ZFHX3: variants seen among roughly 807,000 people sequenced by gnomAD.
ZFHX3 encodes the protein zinc finger homeobox 3, also known as zinc finger homeobox protein 3.
In ZFHX3, 42 loss-of-function variants were observed where a neutral mutation model predicts 279.1. The observed-to-expected ratio is 0.15, with a 90% CI of 0.12 to 0.19. ZFHX3 has a LOEUF of 0.19. Ranked by LOEUF, ZFHX3 falls within the 10% of genes least tolerant of loss-of-function variation. The probability of loss-of-function intolerance (pLI) is 1.00; values close to 1 mark genes in which losing one functional copy is unlikely to be tolerated. For synonymous variants in ZFHX3, 2,293 were observed against 1,957.8 expected (o/e 1.17, Z -4.52); for missense variants, 4,981 against 4,754.0 (o/e 1.05, Z -1.40).
chr16:73,582,115 C>A (rs540254113), intron 2 of ZFHX3, among the ~76,000 whole-genome samples: 19 of 151,836 alleles, frequency 1.3e-4, no homozygotes, highest in South Asian at 2.1e-4. Context: ...TGATACAGAC[C>A]TAAACAATGG....
chr16:72,864,232 T>C (rs1238183449), intron 4 of ZFHX3, among the ~76,000 whole-genome samples: 1 of 152,208 alleles, frequency 6.6e-6, no homozygotes, highest in African/African-American at 2.4e-5. Flanking sequence ...TATTTTTTTC[T>C]TTTGATTTAC....
chr16:73,649,608 G>A (rs764224112), intron 2 of ZFHX3, among the ~76,000 whole-genome samples: 32 of 152,110 alleles, frequency 2.1e-4, no homozygotes, highest in African/African-American at 4.6e-4. Flanking sequence ...TAATAAACTC[G>A]TTTTTGTTCT....
rs1038732726 is a variant in ZFHX3 at position 72,957,786 on chromosome 16, C to T, written c.2360G>A (p.Ser787Asn). ...CGGCGAGGGGGCCCCGCAGGAGCTACTGATATTGGCTGCCGCCGCCGCCGC... is the reference window on the plus strand; with the variant it reads ...CGGCGAGGGGGCCCCGCAGGAGCTATTGATATTGGCTGCCGCCGCCGCCGC... ...VAAAAAAANISSSCGAPSPTK... is the reference protein window; with the variant it reads ...VAAAAAAANINSSCGAPSPTK... The change falls in exon 2 of 10, where the codon AGT (serine) becomes AAT (asparagine). Residue 787 changes from serine (S) to asparagine (N), a missense_variant. Transcript: ENST00000268489. The T allele has an allele frequency of 2.1e-5, 34 of 1,612,484 alleles. No individual in the cohort carries two copies. Among genetic ancestry groups the T allele is most frequent in the Middle Eastern group, 1.6e-4 (1 of 6,082 alleles).
At chr16:73,303,977 A>G (rs1251196581) in intron 4 of ZFHX3, among the ~76,000 whole-genome samples, 1 of 124,942 alleles carries the variant, frequency 8.0e-6, no homozygotes, top group Non-Finnish European at 1.7e-5. Flanking sequence ...AAAAAAAAAA[A>G]AAAAAAAAAA....
intron 3 of ZFHX3, among the ~76,000 whole-genome samples, chr16:72,904,261 G>A (rs1436800869): frequency 6.6e-6 from 1 of 151,968 alleles, no homozygotes; most frequent in African/African-American, 2.4e-5. Context: ...AGCTACTTGG[G>A]AGGCTGAGGC....
Position 73,327,290 on chromosome 16 carries a change from A to T in ZFHX3, c.-1290-8954T>A, listed in dbSNP as rs968478093. On this transcript the variant is annotated intron_variant, in intron 3 of 17. Transcript: ENST00000641206. ...AACTATGCTGGCTTCTACTGCCATG[A>T]CCTACCACAACTGCAGTAACTGCTG... 1.7e-4 allele frequency among the ~76,000 whole-genome samples: 26 copies of T among 152,248 alleles called. 1 individual carries two copies. In the South Asian group the frequency reaches 2.5e-3, roughly 15 times the overall value.
intron 2 of ZFHX3, among the ~76,000 whole-genome samples, chr16:73,624,346 T>G (rs2142140703): frequency 6.6e-6 from 1 of 152,318 alleles, no homozygotes; most frequent in South Asian, 2.1e-4. Context: ...AAATCTGAAT[T>G]TCATTGCCGT....
chr16:73,349,748 C>G (rs1389221357), intron 3 of ZFHX3, among the ~76,000 whole-genome samples: 1 of 68,724 alleles, frequency 1.5e-5, no homozygotes, highest in African/African-American at 8.9e-5. Flanking sequence ...CCTTCCCTCC[C>G]TCCCTCCCTC....
chr16:73,877,491 T>A (rs2029990538), intron 1 of ZFHX3, among the ~76,000 whole-genome samples: 2 of 152,258 alleles, frequency 1.3e-5, no homozygotes, highest in South Asian at 4.1e-4. Flanking sequence ...TCAAAAGGAA[T>A]CAAGTTGGGT....
chr16:73,334,168 G>A (rs1416832006), intron 3 of ZFHX3, among the ~76,000 whole-genome samples: 1 of 152,164 alleles, frequency 6.6e-6, no homozygotes. Context: ...ACGGCCAGAG[G>A]AGGACAGCGT....
At chr16:73,766,312 C>G (rs1303656170) in intron 1 of ZFHX3, among the ~76,000 whole-genome samples, 1 of 152,150 alleles carries the variant, frequency 6.6e-6, no homozygotes, top group African/African-American at 2.4e-5. Context: ...GATATTTTAA[C>G]TTAAAATCTC....
chr16:73,658,121 G>T (rs2052741092), intron 2 of ZFHX3, among the ~76,000 whole-genome samples: 1 of 152,130 alleles, frequency 6.6e-6, no homozygotes, highest in African/African-American at 2.4e-5. Context: ...AGCTTTTACT[G>T]TGATAATACA....
chr16:73,601,000 CT>C (rs1469150492), intron 2 of ZFHX3, among the ~76,000 whole-genome samples: 2 of 97,030 alleles, frequency 2.1e-5, no homozygotes, highest in Non-Finnish European at 4.3e-5. Flanking sequence ...GAGTGATAGC[CT>C]TTTTTGTTTC....
intron 2 of ZFHX3, among the ~76,000 whole-genome samples, chr16:73,644,811 T>C (rs74878779): frequency 0.06 from 9,063 of 152,172 alleles, 898 homozygotes; most frequent in African/African-American, 0.21. Flanking sequence ...CTGTGTGTTC[T>C]GCGGCACCTC....
Position 73,704,124 on chromosome 16 carries a change from C to A in ZFHX3, c.-1607-23884G>T, listed in dbSNP as rs139678758. Among the ~76,000 whole-genome samples, 420 of 152,078 alleles carry A rather than the reference C, an allele frequency of 2.8e-3. 4 individuals carry two copies. The highest frequency in any genetic ancestry group is 9.3e-3 in the African/African-American group (385 of 41,484). ...TTGGGCACGTTCAGGGTGGTATGGC[C>A]GTAAACAGAAATTATACAATTTCAG... is the stretch of plus-strand genomic sequence containing the variant. On this transcript the variant is annotated intron_variant, in intron 1 of 17. Coordinates refer to the ZFHX3 transcript ENST00000641206.
chr16:73,384,557 C>G (rs1470039324), intron 3 of ZFHX3, among the ~76,000 whole-genome samples: 1 of 152,224 alleles, frequency 6.6e-6, no homozygotes, highest in Non-Finnish European at 1.5e-5. Context: ...CAATCCTGTA[C>G]ACAGCATGAA....
At chr16:73,217,921 C>A (rs996229949) in intron 5 of ZFHX3, among the ~76,000 whole-genome samples, 3 of 151,904 alleles carry the variant, frequency 2.0e-5, no homozygotes, top group African/African-American at 7.3e-5. Flanking sequence ...AACCTGCAGA[C>A]ACCAGGATTG....
At chr16:73,190,113 T>C (rs922547120) in intron 5 of ZFHX3, among the ~76,000 whole-genome samples, 10 of 152,316 alleles carry the variant, frequency 6.6e-5, no homozygotes, top group East Asian at 3.9e-4. Context: ...AGTGAGCATC[T>C]TGACCACTCC....
intron 5 of ZFHX3, among the ~76,000 whole-genome samples, chr16:73,189,230 C>T (rs555361880): frequency 6.6e-5 from 10 of 152,312 alleles, no homozygotes; most frequent in South Asian, 2.1e-4. Flanking sequence ...CATTCTCCAA[C>T]GTCTCTACCT....
Sources: gnomAD v4.1 joint callset for allele counts (sites outside exome capture counted in the v4.1 genomes callset) on GRCh38, gnomAD v4.1.1 for gene constraint, MANE v1.5 for transcripts, NCBI Gene and HGNC (gene_info 2026-07-23, HGNC 2026-07-21) for gene names.